DGKG: variants seen among roughly 807,000 people sequenced by gnomAD.
The protein encoded by DGKG is DAG kinase gamma.
A neutral mutation model predicts 105.3 loss-of-function variants in DGKG; 78 were observed. That is an observed-to-expected ratio of 0.74 (90% CI 0.62 to 0.89). The LOEUF is 0.89. DGKG is among the 40% of genes least tolerant of loss of function. The pLI is 0.00. For synonymous variants in DGKG, 346 were observed against 367.1 expected (o/e 0.94, Z 0.66); for missense variants, 958 against 1,020.1 (o/e 0.94, Z 0.83).
chr3:186,204,216 C>T (rs1718612556), intron 21 of DGKG, among the ~76,000 whole-genome samples: 1 of 152,122 alleles, frequency 6.6e-6, no homozygotes, highest in Admixed American at 6.6e-5. Context: ...TGAGATCAGC[C>T]TGGCCAACAT....
At chr3:186,178,886 C>T (rs1186140634) in intron 22 of DGKG, among the ~76,000 whole-genome samples, 1 of 152,192 alleles carries the variant, frequency 6.6e-6, no homozygotes, top group African/African-American at 2.4e-5. Context: ...CCAGATGCAC[C>T]AATTAGTGTG....
chr3:186,318,226 C>T (rs1023840969), intron 2 of DGKG, among the ~76,000 whole-genome samples: 1 of 152,152 alleles, frequency 6.6e-6, no homozygotes, highest in Non-Finnish European at 1.5e-5. Context: ...AGACCTCCTG[C>T]TATCCCCACG....
In DGKG at chr3:186,325,397, T is replaced by C. The variant is rs544615983; in HGVS notation, c.-248-4690A>G. 2.6e-5 allele frequency among the ~76,000 whole-genome samples: 4 copies of C among 152,334 alleles called. No individual in the cohort carries two copies. In the East Asian group the frequency reaches 5.8e-4, roughly 22 times the overall value. Reference sequence around the variant, plus strand: ...TGCCCCTGTACCCCCTGAATAATAGTTGAAATTTTAAAAAATCAGCTGGCA... The same window carrying C: ...TGCCCCTGTACCCCCTGAATAATAGCTGAAATTTTAAAAAATCAGCTGGCA... On this transcript the variant is annotated intron_variant, in intron 1 of 24. Coordinates refer to ENST00000265022, the MANE Select transcript of DGKG (RefSeq NM_001346.3).
intron 9 of DGKG, among the ~76,000 whole-genome samples, chr3:186,276,336 T>C (rs937213139): frequency 6.6e-6 from 1 of 152,206 alleles, no homozygotes. Flanking sequence ...ATGTTATGAT[T>C]TCAGTTTTAT....
At chr3:186,321,306 T>A (rs1289282991) in intron 1 of DGKG, among the ~76,000 whole-genome samples, 1 of 152,220 alleles carries the variant, frequency 6.6e-6, no homozygotes, top group Non-Finnish European at 1.5e-5. Flanking sequence ...ATCAGTTTTG[T>A]GGTTGTGAAA....
intron 20 of DGKG, among the ~76,000 whole-genome samples, chr3:186,229,451 G>T (rs537981726): frequency 2.6e-5 from 4 of 152,158 alleles, no homozygotes; most frequent in Admixed American, 2.6e-4. Context: ...CACCATGTTG[G>T]CCAGGCTGGT....
chr3:186,254,871 C>G (rs1183627142), intron 17 of DGKG, among the ~76,000 whole-genome samples: 2 of 152,184 alleles, frequency 1.3e-5, no homozygotes, highest in Non-Finnish European at 2.9e-5. Flanking sequence ...TCCTCATGGC[C>G]CCATAGCCTA....
intron 1 of DGKG, among the ~76,000 whole-genome samples, chr3:186,330,367 C>T (rs966842864): frequency 6.6e-5 from 10 of 152,176 alleles, no homozygotes; most frequent in Non-Finnish European, 1.5e-4. Flanking sequence ...TTGTGGTCGT[C>T]ATTTACATTG....
At chr3:186,180,554 C>T (rs890709004) in intron 22 of DGKG, among the ~76,000 whole-genome samples, 1 of 152,090 alleles carries the variant, frequency 6.6e-6, no homozygotes, top group Non-Finnish European at 1.5e-5. Flanking sequence ...TTTTTAGGAA[C>T]ATTTTTATTT....
At chr3:186,328,814 G>A (rs1578841569) in intron 1 of DGKG, among the ~76,000 whole-genome samples, 2 of 151,874 alleles carry the variant, frequency 1.3e-5, no homozygotes, top group East Asian at 3.9e-4. Context: ...CCTGACCTCA[G>A]GTGATCTGCC....
At chr3:186,271,272 C>T (rs1384530829) in intron 11 of DGKG, among the ~76,000 whole-genome samples, 1 of 152,174 alleles carries the variant, frequency 6.6e-6, no homozygotes, top group Non-Finnish European at 1.5e-5. Flanking sequence ...GAGCCATTCC[C>T]TACCTTTTCC....
At chr3:186,155,755 G>C (rs565435733) in intron 24 of DGKG, among the ~76,000 whole-genome samples, 26 of 152,162 alleles carry the variant, frequency 1.7e-4, no homozygotes, top group Non-Finnish European at 3.5e-4. Context: ...GGCTGTAACT[G>C]TTGATACTCT....
chr3:186,332,837 G>C (rs1452891644), intron 1 of DGKG, among the ~76,000 whole-genome samples: 2 of 152,150 alleles, frequency 1.3e-5, no homozygotes, highest in African/African-American at 4.8e-5. Flanking sequence ...CACTGCCCTA[G>C]TGAATGGATT....
At chr3:186,285,344 A>G (rs1484734723) in intron 6 of DGKG, among the ~76,000 whole-genome samples, 1 of 152,240 alleles carries the variant, frequency 6.6e-6, no homozygotes, top group Non-Finnish European at 1.5e-5. Flanking sequence ...AACATATACA[A>G]GGTACTGTCC....
intron 21 of DGKG, among the ~76,000 whole-genome samples, chr3:186,193,880 G>T (rs912413070): frequency 3.3e-5 from 5 of 152,378 alleles, no homozygotes; most frequent in Non-Finnish European, 7.3e-5. Flanking sequence ...GACCTGGCTA[G>T]CAGGCTGCCC....
At chr3:186,154,019 C>T (rs1317470101) in intron 24 of DGKG, among the ~76,000 whole-genome samples, 2 of 152,164 alleles carry the variant, frequency 1.3e-5, no homozygotes, top group African/African-American at 4.8e-5. Flanking sequence ...ATCGCTTGAG[C>T]CTGGGAGGTC....
chr3:186,183,513 G>T (rs151166536), intron 22 of DGKG, among the ~76,000 whole-genome samples: 14 of 143,822 alleles, frequency 9.7e-5, no homozygotes, highest in Non-Finnish European at 1.8e-4. Context: ...TTGGGGGGGG[G>T]CGGGGTAACT....
chr3:186,336,058 C>G (rs927061029), intron 1 of DGKG, among the ~76,000 whole-genome samples: 1 of 152,196 alleles, frequency 6.6e-6, no homozygotes, highest in African/African-American at 2.4e-5. Context: ...CTCTAAAAAG[C>G]TGCCTTGTCC....
chr3:186,352,263 C>T (rs902044940), intron 1 of DGKG, among the ~76,000 whole-genome samples: 4 of 152,256 alleles, frequency 2.6e-5, no homozygotes, highest in Admixed American at 6.5e-5. Flanking sequence ...AGTCAATAGA[C>T]GGCTACTGGG....
Sources: gnomAD v4.1 joint callset for allele counts (sites outside exome capture counted in the v4.1 genomes callset) on GRCh38, gnomAD v4.1.1 for gene constraint, MANE v1.5 for transcripts, NCBI Gene and HGNC (gene_info 2026-07-23, HGNC 2026-07-21) for gene names.